MEOX1: variants seen among roughly 807,000 people sequenced by gnomAD.
The protein encoded by MEOX1 is homeobox protein MOX-1.
A neutral mutation model predicts 23.2 loss-of-function variants in MEOX1; 17 were observed. That is an observed-to-expected ratio of 0.73 (90% CI 0.50 to 1.10). MEOX1 has a LOEUF of 1.10. MEOX1 is among the 50% of genes least tolerant of loss of function. The pLI is 0.00. For missense variants in MEOX1, 333 were observed against 332.2 expected (o/e 1.00, Z -0.02); for synonymous variants, 134 against 135.1 (o/e 0.99, Z 0.06).
intron 1 of MEOX1, among the ~76,000 whole-genome samples, chr17:43,659,987 T>C (rs1973107795): frequency 6.6e-6 from 1 of 152,172 alleles, no homozygotes; most frequent in Non-Finnish European, 1.5e-5. Context: ...TTCCCACCTG[T>C]TGGTTGGTGT....
rs368638447 is a variant in MEOX1 at position 43,643,636 on chromosome 17, G to T, written c.494C>A (p.Pro165Gln). The part of the protein sequence containing the change: ...SSDNQENRGK[P>Q]EGSSKARKER... ...CTTGCGGGCTTTGCTGCTGCCCTCC[G>T]GCTTCCCTCTGTTCTCCTGGTTGTC... Residue 165 changes from proline to glutamine, a missense_variant, in exon 2 of 3, where the codon CCG (proline) becomes CAG (glutamine). By Grantham distance (76) the Pro-to-Gln change is moderately conservative. Coordinates refer to ENST00000318579, the MANE Select transcript of MEOX1 (RefSeq NM_004527.4). The T allele has an allele frequency of 6.2e-7, 1 of 1,613,114 alleles. No homozygotes were observed. The highest frequency in any genetic ancestry group is 1.3e-5 in the African/African-American group (1 of 74,852).
chr17:43,647,286 A>G (rs1972830287), intron 1 of MEOX1, among the ~76,000 whole-genome samples: 1 of 152,182 alleles, frequency 6.6e-6, no homozygotes. Flanking sequence ...ACCTGGCACA[A>G]CTGACCCCTA....
chr17:43,652,070 T>C (rs1045200704), intron 1 of MEOX1, among the ~76,000 whole-genome samples: 3 of 152,128 alleles, frequency 2.0e-5, no homozygotes, highest in Non-Finnish European at 4.4e-5. Context: ...TCTTTGCTTG[T>C]CAGAAGAGGA....
rs1427953647 is a variant in MEOX1, at chr17:43,661,634, A to G, written c.-100T>C. On this transcript the variant is annotated 5_prime_UTR_variant, in exon 1 of 3. Transcript: ENST00000318579. ...TGCAAAAGAAAAAAAACTAAATAGG[A>G]GGGAAAAATGTTCAACAGAAAATTT... 9 of 678,398 alleles carry G rather than the reference A, an allele frequency of 1.3e-5. No homozygotes were observed. The highest frequency in any genetic ancestry group is 2.0e-5 in the Non-Finnish European group (9 of 457,940). The allele number at this position is 678,398 out of a possible 1,614,324, so 42.0% of individuals were successfully genotyped here.
At chr17:43,644,001 C>A (rs534400736) in intron 1 of MEOX1, among the ~76,000 whole-genome samples, 11 of 151,164 alleles carry the variant, frequency 7.3e-5, no homozygotes, top group African/African-American at 2.4e-4. Context: ...TGGCCATAAG[C>A]TTGAGGGGTG....
chr17:43,649,267 C>G (rs1314655180), intron 1 of MEOX1, among the ~76,000 whole-genome samples: 1 of 129,622 alleles, frequency 7.7e-6, no homozygotes, highest in Non-Finnish European at 1.7e-5. Flanking sequence ...AAAGGGTTAT[C>G]TTTTAAATGT....
Position 43,661,316 on chromosome 17 carries a change from G to A in MEOX1, c.219C>T (p.Ser73=), listed in dbSNP as rs1165906519. Residue 73 remains serine (S), a synonymous_variant, in exon 1 of 3, where the codon AGC becomes AGT. Coordinates refer to ENST00000318579, the MANE Select transcript of MEOX1 (RefSeq NM_004527.4). ...SASCLAATPH[S]LPQEEHIFTE... ...TGAAGATGTGCTCCTCCTGGGGCAG[G>A]CTGTGTGGGGTGGCTGCCAGGCAGG... is the stretch of plus-strand genomic sequence containing the variant. 6.8e-6 allele frequency: 11 copies of A among 1,612,344 alleles called. No homozygotes were observed. In the Admixed American group the frequency reaches 1.3e-4, roughly 20 times the overall value.
At chr17:43,657,012 C>CTCTTTCTTTCTTTATTTCTT (rs1973035002) in intron 1 of MEOX1, among the ~76,000 whole-genome samples, 1 of 105,086 alleles carries the variant, frequency 9.5e-6, no homozygotes, top group East Asian at 2.7e-4. Flanking sequence ...TTCTTTCTTT[C>CTCTTTCTTTCTTTATTTCTT]TCTTTCTTTC....
chr17:43,656,424 C>T (rs923435816), intron 1 of MEOX1, among the ~76,000 whole-genome samples: 1 of 151,482 alleles, frequency 6.6e-6, no homozygotes, highest in African/African-American at 2.4e-5. Context: ...GGGAGGTGGC[C>T]TGTAAAGGGG....
rs930266446 is a variant in MEOX1, at chr17:43,661,600, T to A, written c.-66A>T. ...TTCTTTATACTTTTTATGTTCAAAT[T>A]TTTAAAAATGCAAAAGAAAAAAAAC... On this transcript the variant is annotated 5_prime_UTR_variant, in exon 1 of 3. Coordinates refer to ENST00000318579, the MANE Select transcript of MEOX1 (RefSeq NM_004527.4). 2 of 987,736 alleles carry A rather than the reference T, an allele frequency of 2.0e-6. No homozygotes were observed. Among genetic ancestry groups the A allele is most frequent in the Admixed American group, 4.1e-5 (1 of 24,098 alleles). The allele number at this position is 987,736 out of a possible 1,614,324, so 61.2% of individuals were successfully genotyped here.
At chr17:43,647,304 C>G (rs1009565345) in intron 1 of MEOX1, among the ~76,000 whole-genome samples, 1 of 152,168 alleles carries the variant, frequency 6.6e-6, no homozygotes. Context: ...CTACCGCGCC[C>G]CCAACCAGTT....
Position 43,661,251 on chromosome 17 carries a change from T to A in MEOX1, c.284A>T (p.His95Leu). 6.2e-7 allele frequency: 1 copy of A among 1,609,500 alleles called. No individual in the cohort carries two copies. Residue 95 changes from histidine to leucine, a missense_variant, in exon 1 of 3, where the codon CAC (histidine) becomes CTC (leucine). Transcript: ENST00000318579. ...HPAFPQSPNW[H>L]FPVSDARRRP... ...GCGCCGGGCGTCTGAGACAGGGAAG[T>A]GCCAGTTGGGGGACTGTGGGAAAGC...
intron 1 of MEOX1, among the ~76,000 whole-genome samples, chr17:43,656,666 T>C (rs1973025312): frequency 6.6e-6 from 1 of 152,168 alleles, no homozygotes; most frequent in South Asian, 2.1e-4. Flanking sequence ...TGCTGAGTTC[T>C]AGCACCATGG....
chr17:43,660,435 G>T (rs1973115044), intron 1 of MEOX1, among the ~76,000 whole-genome samples: 1 of 152,112 alleles, frequency 6.6e-6, no homozygotes. Flanking sequence ...CTGTCCCCTT[G>T]GCCTGGACAT....
intron 1 of MEOX1, among the ~76,000 whole-genome samples, chr17:43,653,767 C>T (rs540611859): frequency 1.8e-4 from 27 of 152,218 alleles, no homozygotes; most frequent in Middle Eastern, 3.4e-3. Flanking sequence ...CTCGGCCTCC[C>T]AAAGTGCTGG....
At chr17:43,646,667 T>C (rs1197758702) in intron 1 of MEOX1, among the ~76,000 whole-genome samples, 1 of 152,212 alleles carries the variant, frequency 6.6e-6, no homozygotes, top group East Asian at 1.9e-4. Flanking sequence ...AATATGTGTG[T>C]GCAACATGCT....
Position 43,661,236 on chromosome 17 carries a change from T to C in MEOX1, c.299A>G (p.Asp100Gly). The change falls in exon 1 of 3, where the codon GAC becomes GGC. Residue 100 changes from aspartate to glycine, a missense_variant. Asp to Gly is a moderately conservative substitution (Grantham distance 94, BLOSUM62 -1). Transcript: ENST00000318579. Reference protein sequence around the residue: ...QSPNWHFPVSDARRRPNSGPA... With the variant: ...QSPNWHFPVSGARRRPNSGPA... ...GCCTGAGTTGGGCCTGCGCCGGGCG[T>C]CTGAGACAGGGAAGTGCCAGTTGGG... The C allele has an allele frequency of 6.2e-7, 1 of 1,609,846 alleles. No homozygotes were observed. Among genetic ancestry groups the C allele is most frequent in the South Asian group, 1.1e-5 (1 of 90,278 alleles).
At chr17:43,646,495 G>C (rs1972817502) in intron 1 of MEOX1, among the ~76,000 whole-genome samples, 1 of 152,244 alleles carries the variant, frequency 6.6e-6, no homozygotes, top group Admixed American at 6.5e-5. Flanking sequence ...TTCCACGGTT[G>C]CGGGGAGTGG....
chr17:43,659,368 C>G (rs924967132), intron 1 of MEOX1, among the ~76,000 whole-genome samples: 7 of 152,072 alleles, frequency 4.6e-5, no homozygotes, highest in African/African-American at 1.7e-4. Context: ...AACTGGCTGG[C>G]GGTTTAAAGG....
Sources: gnomAD v4.1 joint callset for allele counts (sites outside exome capture counted in the v4.1 genomes callset) on GRCh38, gnomAD v4.1.1 for gene constraint, MANE v1.5 for transcripts, NCBI Gene and HGNC (gene_info 2026-07-23, HGNC 2026-07-21) for gene names.